TNNT1: variants seen among roughly 807,000 people sequenced by gnomAD.
TNNT1 encodes the protein troponin T1, slow skeletal type.
TNNT1 carries 53 observed loss-of-function variants against 50.6 expected under a neutral mutation model. The ratio of observed to expected loss-of-function variants is 1.05; its 90% CI spans 0.84 to 1.32. TNNT1 has a LOEUF of 1.32. Ranked by LOEUF, TNNT1 falls within the 40% of genes most tolerant of loss-of-function variation. TNNT1 has a pLI of 0.00. For synonymous variants in TNNT1, 142 were observed against 138.0 expected (o/e 1.03, Z -0.20); for missense variants, 348 against 381.7 (o/e 0.91, Z 0.74).
chr19:55,144,912 G>A (rs551503069), intron 6 of TNNT1, among the ~76,000 whole-genome samples: 1 of 152,296 alleles, frequency 6.6e-6, no homozygotes, highest in Admixed American at 6.5e-5. Flanking sequence ...GGAGGAGGAT[G>A]AGCCACAAGT....
At chr19:55,148,435 G>A (rs1263602784) in intron 1 of TNNT1, among the ~76,000 whole-genome samples, 2 of 151,938 alleles carry the variant, frequency 1.3e-5, no homozygotes, top group Non-Finnish European at 2.9e-5. Flanking sequence ...AGACACCCTA[G>A]GCCACAGGGT....
chr19:55,136,414 C>T (rs1599874807), intron 11 of TNNT1, among the ~76,000 whole-genome samples: 1 of 152,306 alleles, frequency 6.6e-6, no homozygotes, highest in East Asian at 1.9e-4. Context: ...TCTCACTGCC[C>T]TTTCACAGCT....
chr19:55,135,288 G>A (rs1249739449), intron 11 of TNNT1, among the ~76,000 whole-genome samples: 1 of 152,106 alleles, frequency 6.6e-6, no homozygotes, highest in Non-Finnish European at 1.5e-5. Context: ...GGAAATATTG[G>A]GCTAAAAGTA....
Position 55,142,018 on chromosome 19 carries a change from C to T in TNNT1, c.129-98G>A, listed in dbSNP as rs992810515. Reference sequence around the variant, plus strand: ...CGTCCAGTGAGGTAGCCGCCAGCCCCGGGAGGCTCCTGAACGTGGAGGGTC... The same window carrying T: ...CGTCCAGTGAGGTAGCCGCCAGCCCTGGGAGGCTCCTGAACGTGGAGGGTC... On this transcript the variant is annotated intron_variant, in intron 6 of 13. Transcript: ENST00000588981. 8.0e-6 allele frequency: 10 copies of T among 1,245,788 alleles called. No homozygotes were observed. In the Admixed American group the frequency reaches 8.5e-5, roughly 11 times the overall value. The allele number at this position is 1,245,788 out of a possible 1,614,324, so 77.2% of individuals were successfully genotyped here.
Position 55,132,836 on chromosome 19 carries a change from G to A in TNNT1, c.*79C>T. On this transcript the variant is annotated 3_prime_UTR_variant, in exon 14 of 14. Coordinates refer to ENST00000588981, the MANE Select transcript of TNNT1 (RefSeq NM_003283.6). ...ACATCAGAGAACCCAGCGGGTGTCT[G>A]AGGGGAGCGTTTATTTCAAGCTACC... is the stretch of plus-strand genomic sequence containing the variant. 1 of 1,382,910 alleles carries A rather than the reference G, an allele frequency of 7.2e-7. No homozygotes were observed. Among genetic ancestry groups the A allele is most frequent in the Non-Finnish European group, 1.0e-6 (1 of 992,382 alleles). 85.7% of individuals were successfully genotyped at this position (1,382,910 alleles called of 1,614,324 possible). A position where few individuals can be genotyped will look rare whatever the true frequency, so the allele number is the denominator to read the frequency against.
chr19:55,148,072 C>T (rs1394415264), intron 1 of TNNT1: 4 of 152,338 alleles, frequency 2.6e-5, no homozygotes, highest in Non-Finnish European at 1.5e-5. Context: ...CCTCTTTTGT[C>T]TTATGACAAG....
Position 55,145,352 on chromosome 19 carries a change from GAGGAGGAGGA to G in TNNT1, c.128+182_128+191del, listed in dbSNP as rs1405285035. The G allele has an allele frequency of 6.5e-6, 4 of 617,004 alleles. No individual in the cohort carries two copies. In the African/African-American group the frequency reaches 7.5e-5, roughly 12 times the overall value. 38.2% of individuals were successfully genotyped at this position (617,004 alleles called of 1,614,324 possible). Reference sequence around the variant, plus strand: ...AGGGGAAGGGGAAGAAGAGGAAGTGGAGGAGGAGGAGGGAGGAGGAGGGAGAGGAGGGAGG... The same window carrying G: ...AGGGGAAGGGGAAGAAGAGGAAGTGGGGGAGGAGGAGGGAGAGGAGGGAGG... On this transcript the variant is annotated intron_variant, in intron 6 of 13. Transcript: ENST00000588981.
At chr19:55,147,195 T>G in intron 1 of TNNT1, 27 bp from the exon 2 acceptor site, 3 of 1,610,430 alleles carry the variant, frequency 1.9e-6, no homozygotes, top group Non-Finnish European at 2.5e-6. Flanking sequence ...AGAGGCCCAG[T>G]GGGGTGGGGC....
Position 55,132,884 on chromosome 19 carries a change from T to C in TNNT1, c.*31A>G. 6.3e-7 allele frequency: 1 copy of C among 1,590,510 alleles called. No individual in the cohort carries two copies. The highest frequency in any genetic ancestry group is 8.6e-7 in the Non-Finnish European group (1 of 1,169,330). On this transcript the variant is annotated 3_prime_UTR_variant, in exon 14 of 14. Transcript: ENST00000588981. The stretch of plus-strand genomic sequence containing the variant: ...ACCGATGGGACAAACACTCCCAGGC[T>C]TCCCAGGTGCCACTGTCCGGGGCGG...
chr19:55,134,136 G>A lies in TNNT1; in HGVS notation c.680C>T (p.Ser227Leu), dbSNP rs763780914. Residue 227 changes from serine (S) to leucine (L), a missense_variant, in exon 12 of 14, where the codon TCG becomes TTG. Ser to Leu is a moderately radical substitution (Grantham distance 145). Coordinates refer to ENST00000588981, the MANE Select transcript of TNNT1 (RefSeq NM_003283.6). ...CPAREKAQELSDWIHQLESEK... is the reference protein window; with the variant it reads ...CPAREKAQELLDWIHQLESEK... ...AGACTCCAGCTGGTGGATCCAGTCC[G>A]ACAGCTCCTGGGCTTTCTCCCTGGC... The A allele has an allele frequency of 3.1e-6, 5 of 1,608,846 alleles. No individual in the cohort carries two copies. Among genetic ancestry groups the A allele is most frequent in the Non-Finnish European group, 4.2e-6 (5 of 1,178,182 alleles).
chr19:55,139,292 G>A (rs563910247), intron 9 of TNNT1, among the ~76,000 whole-genome samples: 5 of 152,276 alleles, frequency 3.3e-5, no homozygotes, highest in East Asian at 1.9e-4. Context: ...CAGCCATCGC[G>A]CCTAAACTTA....
At chr19:55,141,761 T>C (rs2085459992) in intron 7 of TNNT1, 96 bp downstream of exon 7, 7 of 1,431,126 alleles carry the variant, frequency 4.9e-6, no homozygotes, top group East Asian at 2.3e-5. Context: ...ATTACAGGCA[T>C]GAGGCCCCGC....
intron 6 of TNNT1, chr19:55,145,269 C>T: frequency 2.0e-6 from 1 of 494,312 alleles, no homozygotes; most frequent in South Asian, 2.6e-5. Flanking sequence ...GCACTCTAGC[C>T]TGGGTAACAG....
At chr19:55,143,631 T>A (rs2085497219) in intron 6 of TNNT1, among the ~76,000 whole-genome samples, 1 of 152,018 alleles carries the variant, frequency 6.6e-6, no homozygotes, top group Non-Finnish European at 1.5e-5. Context: ...GCTTACCATA[T>A]TGTACAGGAA....
At chr19:55,147,588 AGGGGCTGGGGGGTGTGTG>A (rs2085595204) in intron 1 of TNNT1, among the ~76,000 whole-genome samples, 1 of 4,518 alleles carries the variant, frequency 2.2e-4, no homozygotes, top group Admixed American at 3.2e-3. Context: ...CTGAGGGAGG[AGGGGCTGGGGGGTGTGTG>A]GGAGGGTGGG....
At chr19:55,144,640 G>A (rs185717542) in intron 6 of TNNT1, among the ~76,000 whole-genome samples, 34 of 152,278 alleles carry the variant, frequency 2.2e-4, no homozygotes, top group African/African-American at 7.2e-4. Flanking sequence ...CCCACCTGCC[G>A]CTGCGCAGGC....
chr19:55,137,155 A>AGAG lies in TNNT1; in HGVS notation c.556_558dup (p.Leu186dup). The AGAG allele has an allele frequency of 6.3e-7, 1 of 1,594,884 alleles. No individual in the cohort carries two copies. The highest frequency in any genetic ancestry group is 8.5e-7 in the Non-Finnish European group (1 of 1,169,870). ...ATGTCCAGAGGCTTCTTACGCTCGGAGAGGATGCGCACCTTCATCTCCCGC... is the reference window on the plus strand; with the variant it reads ...ATGTCCAGAGGCTTCTTACGCTCGGAGAGGAGGATGCGCACCTTCATCTCCCGC... On this transcript the variant is annotated inframe_insertion, in exon 11 of 14. Transcript: ENST00000588981.
At position 55,134,219 on chromosome 19, in the gene TNNT1, G is replaced by A. The variant is rs201082571; in HGVS notation, c.612-15C>T. ...CAGACCGGGCCCTAGGCCCAGGGACGGAGAGGAACTTGGGCCCAGAGAGGT... is the reference window on the plus strand; with the variant it reads ...CAGACCGGGCCCTAGGCCCAGGGACAGAGAGGAACTTGGGCCCAGAGAGGT... On this transcript the variant is annotated splice_polypyrimidine_tract_variant and intron_variant, in intron 11 of 13. Coordinates refer to ENST00000588981, the MANE Select transcript of TNNT1 (RefSeq NM_003283.6). 16 of 1,557,996 alleles carry A rather than the reference G, an allele frequency of 1.0e-5. No individual in the cohort carries two copies. The highest frequency in any genetic ancestry group is 8.1e-5 in the African/African-American group (6 of 73,884).
Position 55,141,152 on chromosome 19 carries a change from G to A in TNNT1, c.309+34C>T, listed in dbSNP as rs1347416603. On this transcript the variant is annotated intron_variant, in intron 8 of 13. Coordinates refer to ENST00000588981, the MANE Select transcript of TNNT1 (RefSeq NM_003283.6). ...GATGCAAGGGATCCACATGGAGGGA[G>A]GAAGACCGGGGGGAACCCGGACTCT... 7 of 1,576,216 alleles carry A rather than the reference G, an allele frequency of 4.4e-6. No homozygotes were observed. In the Admixed American group the frequency reaches 1.2e-4, roughly 26 times the overall value.
Sources: gnomAD v4.1 joint callset for allele counts (sites outside exome capture counted in the v4.1 genomes callset) on GRCh38, gnomAD v4.1.1 for gene constraint, MANE v1.5 for transcripts, NCBI Gene and HGNC (gene_info 2026-07-23, HGNC 2026-07-21) for gene names.